TXLNB: variants seen among roughly 807,000 people sequenced by gnomAD.
TXLNB encodes taxilin beta.
Under a neutral mutation model 57.4 loss-of-function variants are expected in TXLNB, and 37 were observed. The observed-to-expected ratio is 0.64, with a 90% CI of 0.50 to 0.85. The LOEUF (loss-of-function observed/expected upper bound fraction) is 0.85, where lower values mean the gene tolerates loss of function less well. Among genes scored for constraint, TXLNB ranks in the 40% least tolerant of loss-of-function variants. The probability of loss-of-function intolerance (pLI) is 0.00; values close to 1 mark genes in which losing one functional copy is unlikely to be tolerated. For synonymous variants in TXLNB, 302 were observed against 309.6 expected (o/e 0.98, Z 0.26); for missense variants, 848 against 825.6 (o/e 1.03, Z -0.33).
At chr6:139,209,070 C>T in the TXLNB span, among the ~76,000 whole-genome samples, 2 of 152,142 alleles carry the variant, frequency 1.3e-5, no homozygotes, top group Non-Finnish European at 2.9e-5. Flanking sequence ...GCTCCTAGAA[C>T]TGGTAAATGA....
At chr6:139,182,427 A>G in the TXLNB span, among the ~76,000 whole-genome samples, 1 of 152,212 alleles carries the variant, frequency 6.6e-6, no homozygotes, top group East Asian at 1.9e-4. Flanking sequence ...GGTGATTGGT[A>G]AGCAATTAGT....
the TXLNB span, among the ~76,000 whole-genome samples, chr6:139,213,390 C>T: frequency 2.0e-5 from 3 of 151,998 alleles, no homozygotes; most frequent in South Asian, 2.1e-4. Context: ...GGGTACATAA[C>T]GAAATGAAGG....
chr6:139,161,443 C>T, the TXLNB span, among the ~76,000 whole-genome samples: 3 of 152,214 alleles, frequency 2.0e-5, no homozygotes, highest in African/African-American at 7.2e-5. Context: ...TGGCTGTGAA[C>T]ATGACAAACA....
the TXLNB span, among the ~76,000 whole-genome samples, chr6:139,188,876 T>A: frequency 9.2e-5 from 14 of 152,258 alleles, no homozygotes; most frequent in African/African-American, 2.2e-4. Context: ...TGTCTCAGCC[T>A]CCTGAGTAGC....
chr6:139,208,939 T>C, the TXLNB span, among the ~76,000 whole-genome samples: 2 of 152,196 alleles, frequency 1.3e-5, no homozygotes, highest in Non-Finnish European at 2.9e-5. Context: ...GTCCTAGCCA[T>C]AGCAGTTAGA....
At chr6:139,311,557 G>A in the TXLNB span, among the ~76,000 whole-genome samples, 1 of 152,124 alleles carries the variant, frequency 6.6e-6, no homozygotes, top group Non-Finnish European at 1.5e-5. Context: ...GTTGGAAAAG[G>A]CCTCTAGCTG....
At chr6:139,280,271 A>G (rs58882843) in intron 2 of TXLNB, among the ~76,000 whole-genome samples, 7 of 150,208 alleles carry the variant, frequency 4.7e-5, no homozygotes, top group African/African-American at 7.4e-5. Context: ...AAAAAAAAAA[A>G]AAAAGAAAGA....
chr6:139,190,949 G>A, the TXLNB span, among the ~76,000 whole-genome samples: 5 of 152,038 alleles, frequency 3.3e-5, no homozygotes, highest in Admixed American at 6.6e-5. Context: ...GTTAGAAAAC[G>A]TCAGAAAAAG....
the TXLNB span, among the ~76,000 whole-genome samples, chr6:139,227,617 A>G: frequency 6.6e-6 from 1 of 152,222 alleles, no homozygotes; most frequent in East Asian, 1.9e-4. Flanking sequence ...TGTAGTGGAC[A>G]CTAATTGGAA....
At chr6:139,209,025 G>A in the TXLNB span, among the ~76,000 whole-genome samples, 3 of 152,108 alleles carry the variant, frequency 2.0e-5, no homozygotes, top group Non-Finnish European at 4.4e-5. Context: ...TGACATGATC[G>A]TATATCTAGA....
chr6:139,211,205 A>C, the TXLNB span, among the ~76,000 whole-genome samples: 1 of 152,218 alleles, frequency 6.6e-6, no homozygotes. Flanking sequence ...CTGACCCCTG[A>C]GTAGCCTAAC....
At chr6:139,234,796 G>T in the TXLNB span, among the ~76,000 whole-genome samples, 1 of 152,158 alleles carries the variant, frequency 6.6e-6, no homozygotes, top group Non-Finnish European at 1.5e-5. Context: ...TGAGAAGCGG[G>T]CCAAAGTCCT....
chr6:139,189,572 A>G, the TXLNB span, among the ~76,000 whole-genome samples: 6 of 152,324 alleles, frequency 3.9e-5, no homozygotes, highest in South Asian at 2.1e-4. Context: ...GAAATAAGAA[A>G]GGTCTGAAAT....
intron 3 of TXLNB, chr6:139,271,550 G>GT (rs1776764510): frequency 6.6e-6 from 1 of 151,912 alleles, no homozygotes. Context: ...AATTTTTAGC[G>GT]TAAGTATTAA....
chr6:139,205,100 C>T, the TXLNB span, among the ~76,000 whole-genome samples: 6 of 152,198 alleles, frequency 3.9e-5, no homozygotes, highest in Admixed American at 3.9e-4. Flanking sequence ...CTTCCCCTGG[C>T]CAACTTAGGG....
chr6:139,236,659 T>C (rs756567832), downstream of TXLNB, among the ~76,000 whole-genome samples: 8 of 152,162 alleles, frequency 5.3e-5, no homozygotes, highest in Non-Finnish European at 1.0e-4. Flanking sequence ...CTCAGTCTTG[T>C]GTATTTCTTC....
At chr6:139,288,129 G>A (rs1203744271) in intron 2 of TXLNB, among the ~76,000 whole-genome samples, 1 of 152,224 alleles carries the variant, frequency 6.6e-6, no homozygotes, top group East Asian at 1.9e-4. Context: ...TGGTAATAGA[G>A]GCAGAGTGTT....
the TXLNB span, chr6:139,177,999 T>A: frequency 6.6e-6 from 1 of 152,202 alleles, no homozygotes; most frequent in African/African-American, 2.4e-5. The surrounding 1 kb of genome is among the most constrained non-coding windows in gnomAD (Gnocchi z 4.9). Flanking sequence ...AACCAATAAT[T>A]GCCACATTTA....
At chr6:139,239,885 C>T (rs1050479844), downstream of TXLNB, among the ~76,000 whole-genome samples, 1 of 151,840 alleles carries the variant, frequency 6.6e-6, no homozygotes, top group Non-Finnish European at 1.5e-5. The surrounding 1 kb of genome is among the most constrained non-coding windows in gnomAD (Gnocchi z 4.7). Flanking sequence ...CACACACACA[C>T]CCCCGCCCCC....
Sources: gnomAD v4.1 joint callset for allele counts (sites outside exome capture counted in the v4.1 genomes callset) on GRCh38, gnomAD v4.1.1 for gene constraint, Gnocchi (gnomAD v3.1) non-coding constraint, MANE v1.5 for transcripts, NCBI Gene and HGNC (gene_info 2026-07-23, HGNC 2026-07-21) for gene names.